MITF: variants seen among roughly 807,000 people sequenced by gnomAD.
MITF encodes microphthalmia-associated transcription factor.
Under a neutral mutation model 60.5 loss-of-function variants are expected in MITF, and 17 were observed. The observed-to-expected ratio is 0.28, with a 90% CI of 0.19 to 0.42. The LOEUF is 0.42. Among genes scored for constraint, MITF ranks in the 10% least tolerant of loss-of-function variants. The probability of loss-of-function intolerance (pLI) is 1.00; values close to 1 mark genes in which losing one functional copy is unlikely to be tolerated. For synonymous variants in MITF, 260 were observed against 248.5 expected, an observed-to-expected ratio of 1.05 and a Z score of -0.43; for missense variants, 622 against 683.5, an observed-to-expected ratio of 0.91 and a Z score of 1.00.
intron 1 of MITF, among the ~76,000 whole-genome samples, chr3:69,796,969 G>A (rs1325782686): frequency 6.6e-6 from 1 of 152,188 alleles, no homozygotes; most frequent in African/African-American, 2.4e-5. Context: ...TGCAGAAACT[G>A]TACCCATTTT....
At chr3:69,786,820 A>G (rs1477758481) in intron 1 of MITF, among the ~76,000 whole-genome samples, 2 of 152,224 alleles carry the variant, frequency 1.3e-5, no homozygotes. Flanking sequence ...GAAATGACCG[A>G]AAGTCCAACT....
At chr3:69,900,513 TGA>T (rs2064972455) in intron 2 of MITF, among the ~76,000 whole-genome samples, 1 of 152,214 alleles carries the variant, frequency 6.6e-6, no homozygotes, top group Admixed American at 6.5e-5. Flanking sequence ...GTGCTCATCC[TGA>T]TTGACTCATG....
chr3:69,954,319 A>G (rs2066343378), intron 7 of MITF, among the ~76,000 whole-genome samples: 2 of 152,248 alleles, frequency 1.3e-5, no homozygotes, highest in African/African-American at 2.4e-5. Context: ...GTGAATAAAC[A>G]TAACAAATAG....
chr3:69,844,284 T>C (rs2063692306), intron 1 of MITF, among the ~76,000 whole-genome samples: 1 of 152,056 alleles, frequency 6.6e-6, no homozygotes, highest in African/African-American at 2.4e-5. Flanking sequence ...TATAGAACAA[T>C]GGAACAAAAC....
intron 1 of MITF, among the ~76,000 whole-genome samples, chr3:69,762,178 A>G (rs1285924462): frequency 1.3e-5 from 2 of 152,336 alleles, no homozygotes; most frequent in South Asian, 2.1e-4. Flanking sequence ...AATATTTTCA[A>G]TAAAAGGATA....
At chr3:69,949,840 G>C (rs1357307510) in intron 6 of MITF, among the ~76,000 whole-genome samples, 1 of 152,120 alleles carries the variant, frequency 6.6e-6, no homozygotes, top group Non-Finnish European at 1.5e-5. Context: ...TTCTACCATG[G>C]TGAATTTTAT....
chr3:69,966,820 A>G lies in MITF; in HGVS notation c.*1572A>G, dbSNP rs551620285. The G allele has an allele frequency of 1.2e-4, 29 of 232,772 alleles. No individual in the cohort carries two copies. Among genetic ancestry groups the G allele is most frequent in the Non-Finnish European group, 2.4e-4 (28 of 117,608 alleles). The allele number at this position is 232,772 out of a possible 1,614,324, so 14.4% of individuals were successfully genotyped here. On this transcript the variant is annotated 3_prime_UTR_variant, in exon 10 of 10. Coordinates refer to ENST00000352241, the MANE Select transcript of MITF (RefSeq NM_001354604.2). ...ATAGCAAGTGGCATAAAGCATATCC[A>G]TTCAGAATGAAGTGCCTTAAATATA...
chr3:69,787,655 G>A (rs919260179), intron 1 of MITF, among the ~76,000 whole-genome samples: 4 of 151,980 alleles, frequency 2.6e-5, no homozygotes, highest in African/African-American at 9.7e-5. Flanking sequence ...GTTTCATTAG[G>A]GCAGTATAAA....
chr3:69,896,455 C>G (rs1263067026), intron 2 of MITF, among the ~76,000 whole-genome samples: 2 of 152,172 alleles, frequency 1.3e-5, no homozygotes, highest in Non-Finnish European at 2.9e-5. Flanking sequence ...TATCCGTGGT[C>G]TACCTTTTGA....
At position 69,967,528 on chromosome 3, in the gene MITF, A is replaced by G. The variant is rs965546738; in HGVS notation, c.*2280A>G. The G allele has an allele frequency of 3.0e-5, 7 of 233,642 alleles. No homozygotes were observed. The highest frequency in any genetic ancestry group is 2.2e-4 in the Admixed American group (4 of 17,794). 14.5% of individuals were successfully genotyped at this position (233,642 alleles called of 1,614,324 possible). ...AACCTACGGCCACGGGAACAGGACC[A>G]TGGTTAAGCAACCATATAGAAAGCT... On this transcript the variant is annotated 3_prime_UTR_variant, in exon 10 of 10. Transcript: ENST00000352241.
chr3:69,778,816 A>G (rs1277412654), intron 1 of MITF: 1 of 151,870 alleles, frequency 6.6e-6, no homozygotes, highest in Non-Finnish European at 1.5e-5. Flanking sequence ...TTTTTCTCTC[A>G]GATTTATTCC....
intron 2 of MITF, among the ~76,000 whole-genome samples, chr3:69,917,451 G>A (rs2065361180): frequency 6.6e-6 from 1 of 150,570 alleles, no homozygotes; most frequent in African/African-American, 2.5e-5. Context: ...CTTAGATGAG[G>A]GTGGTTCATT....
At chr3:69,913,587 C>T (rs1559716123) in intron 2 of MITF, among the ~76,000 whole-genome samples, 1 of 152,152 alleles carries the variant, frequency 6.6e-6, no homozygotes, top group Non-Finnish European at 1.5e-5. Context: ...CTTGAGGTGC[C>T]TGATCATCAC....
At chr3:69,959,517 GA>G in intron 9 of MITF, 97 bp downstream of exon 9, 1 of 1,413,254 alleles carries the variant, frequency 7.1e-7, no homozygotes, top group Non-Finnish European at 9.9e-7. Context: ...TGACTTACGT[GA>G]TCCTAACACA....
intron 2 of MITF, among the ~76,000 whole-genome samples, chr3:69,898,295 GT>G (rs2064922416): frequency 6.6e-6 from 1 of 152,264 alleles, no homozygotes; most frequent in African/African-American, 2.4e-5. Flanking sequence ...CAAAGGACCT[GT>G]GTCAGGAGAG....
At chr3:69,908,879 T>A (rs866867695) in intron 2 of MITF, among the ~76,000 whole-genome samples, 2 of 152,346 alleles carry the variant, frequency 1.3e-5, no homozygotes, top group Middle Eastern at 3.4e-3. Context: ...ACCTATCAGT[T>A]TTGCTTTTAA....
intron 1 of MITF, chr3:69,779,009 A>G (rs994524751): frequency 6.6e-6 from 1 of 152,326 alleles, no homozygotes; most frequent in East Asian, 1.9e-4. Flanking sequence ...GTTTAAAACT[A>G]CAGAAGGGAA....
At chr3:69,883,315 T>TG (rs1294960360) in intron 2 of MITF, among the ~76,000 whole-genome samples, 4 of 152,182 alleles carry the variant, frequency 2.6e-5, no homozygotes, top group Non-Finnish European at 5.9e-5. Flanking sequence ...TAAATTTACG[T>TG]GGGCATTTAT....
chr3:69,794,083 G>A (rs1039157946), intron 1 of MITF, among the ~76,000 whole-genome samples: 1 of 152,126 alleles, frequency 6.6e-6, no homozygotes. Context: ...GGTAGCCAAC[G>A]ACCTCTTTCC....
Sources: allele counts gnomAD v4.1 joint callset (sites outside exome capture counted in the v4.1 genomes callset), GRCh38; gene constraint gnomAD v4.1.1; transcripts MANE v1.5; gene names NCBI Gene and HGNC (gene_info 2026-07-23, HGNC 2026-07-21).